The following NKAIN2 variants were observed in gnomAD, a reference collection of about 807,000 sequenced individuals.
The protein encoded by NKAIN2 is sodium/potassium transporting ATPase interacting 2.
A neutral mutation model predicts 32.6 loss-of-function variants in NKAIN2; 14 were observed. That is an observed-to-expected ratio of 0.43 (90% CI 0.28 to 0.67). The LOEUF (loss-of-function observed/expected upper bound fraction) is 0.67, where lower values mean the gene tolerates loss of function less well. Among genes scored for constraint, NKAIN2 ranks in the 30% least tolerant of loss-of-function variants. The pLI, the probability that NKAIN2 is intolerant of heterozygous loss-of-function variation, is 0.17. For synonymous variants in NKAIN2, 80 were observed against 87.2 expected (o/e 0.92, Z 0.46); for missense variants, 198 against 258.3 (o/e 0.77, Z 1.60).
chr6:124,004,900 T>TA lies in NKAIN2; in HGVS notation c.54+200659dup, dbSNP rs61291413. 1.2e-3 allele frequency among the ~76,000 whole-genome samples: 165 copies of TA among 138,580 alleles called. 1 individual carries two copies. Among genetic ancestry groups the TA allele is most frequent in the Admixed American group, 3.9e-3 (54 of 14,000 alleles). The allele number at this position is 138,580 out of a possible 152,430, so 90.9% of individuals were successfully genotyped here. On this transcript the variant is annotated intron_variant, in intron 1 of 6. Transcript: ENST00000368417. Reference sequence around the variant, plus strand: ...TAATAATAACAACAAAAAAAGAAAGTAAAAAAAAAAAAAGAATCTTCAGGT... The same window carrying TA: ...TAATAATAACAACAAAAAAAGAAAGTAAAAAAAAAAAAAAGAATCTTCAGGT...
intron 1 of NKAIN2, among the ~76,000 whole-genome samples, chr6:124,263,629 T>C (rs1396190225): frequency 3.3e-5 from 5 of 152,210 alleles, no homozygotes; most frequent in Non-Finnish European, 5.9e-5. Flanking sequence ...TAGTCTTCTG[T>C]CATACTAACA....
chr6:124,365,129 A>G (rs992602403), intron 3 of NKAIN2, among the ~76,000 whole-genome samples: 2 of 151,882 alleles, frequency 1.3e-5, no homozygotes, highest in African/African-American at 4.8e-5. Context: ...AAATGCTAAC[A>G]ACAACAGAGA....
chr6:124,128,736 C>T (rs990013959), intron 1 of NKAIN2, among the ~76,000 whole-genome samples: 8 of 152,310 alleles, frequency 5.3e-5, no homozygotes, highest in African/African-American at 1.9e-4. Context: ...GACATTCATA[C>T]ATTTATTCCT....
intron 1 of NKAIN2, among the ~76,000 whole-genome samples, chr6:124,043,139 T>C (rs1268042496): frequency 1.3e-5 from 2 of 151,914 alleles, no homozygotes; most frequent in Non-Finnish European, 2.9e-5. Flanking sequence ...GGGCGGATCA[T>C]TTGAGGTCAG....
chr6:124,362,557 A>T (rs1449256651), intron 3 of NKAIN2, among the ~76,000 whole-genome samples: 1 of 152,128 alleles, frequency 6.6e-6, no homozygotes, highest in Admixed American at 6.6e-5. Flanking sequence ...TTTTTCTTGA[A>T]AATGCCATTT....
chr6:124,102,327 T>G (rs1450936607), intron 1 of NKAIN2, among the ~76,000 whole-genome samples: 1 of 152,192 alleles, frequency 6.6e-6, no homozygotes, highest in African/African-American at 2.4e-5. Context: ...CCATTCTGAC[T>G]TCATTCCAGG....
chr6:124,002,964 C>A (rs113397839), intron 1 of NKAIN2, among the ~76,000 whole-genome samples: 178 of 152,214 alleles, frequency 1.2e-3, no homozygotes, highest in African/African-American at 4.1e-3. Context: ...ATGACTGGCT[C>A]CATTTGGAGC....
chr6:123,927,178 A>AAG (rs1282719922), intron 1 of NKAIN2, among the ~76,000 whole-genome samples: 7 of 152,210 alleles, frequency 4.6e-5, no homozygotes, highest in Non-Finnish European at 7.4e-5. Flanking sequence ...TCCCTTAGTA[A>AAG]CTAAATGGGA....
chr6:124,090,412 T>A (rs547883652), intron 1 of NKAIN2, among the ~76,000 whole-genome samples: 1 of 152,068 alleles, frequency 6.6e-6, no homozygotes, highest in African/African-American at 2.4e-5. Context: ...CTGCAGTCAT[T>A]TTGGTATAAT....
chr6:124,292,264 C>A (rs1055906918), intron 2 of NKAIN2, among the ~76,000 whole-genome samples: 25 of 152,090 alleles, frequency 1.6e-4, no homozygotes, highest in African/African-American at 6.0e-4. Context: ...AGCAGTCCAG[C>A]ATTTTTTTGT....
At chr6:124,573,306 A>G (rs550683579) in intron 3 of NKAIN2, among the ~76,000 whole-genome samples, 2 of 152,092 alleles carry the variant, frequency 1.3e-5, no homozygotes, top group Non-Finnish European at 2.9e-5. Context: ...ACTACTTCCT[A>G]TTGGGGTGGT....
chr6:124,630,705 G>C (rs72975728), intron 3 of NKAIN2, among the ~76,000 whole-genome samples: 1,623 of 152,086 alleles, frequency 0.011, 20 homozygotes, highest in Admixed American at 0.015. Context: ...CTTATTTTTA[G>C]TGATTTTAGA....
At chr6:124,233,283 A>G (rs1792557649) in intron 1 of NKAIN2, among the ~76,000 whole-genome samples, 1 of 151,980 alleles carries the variant, frequency 6.6e-6, no homozygotes, top group African/African-American at 2.4e-5. Flanking sequence ...ATAATTCTTT[A>G]CAAACCATAA....
At chr6:124,107,593 G>A (rs371717173) in intron 1 of NKAIN2, among the ~76,000 whole-genome samples, 54 of 152,242 alleles carry the variant, frequency 3.5e-4, no homozygotes, top group African/African-American at 1.3e-3. Flanking sequence ...TCAGTGTACA[G>A]TACAGTGTTG....
At chr6:124,437,805 G>T in intron 3 of NKAIN2, 1 of 360,580 alleles carries the variant, frequency 2.8e-6, no homozygotes, top group South Asian at 2.2e-5. Flanking sequence ...TTTGAAGAAT[G>T]AATAATAATT....
At chr6:124,404,696 T>G (rs1203865528) in intron 3 of NKAIN2, among the ~76,000 whole-genome samples, 3 of 152,168 alleles carry the variant, frequency 2.0e-5, no homozygotes, top group African/African-American at 7.2e-5. Context: ...GAATATTTTA[T>G]GTATACTTTA....
chr6:124,056,871 G>C (rs1442426305), intron 1 of NKAIN2, among the ~76,000 whole-genome samples: 2 of 151,990 alleles, frequency 1.3e-5, no homozygotes, highest in African/African-American at 4.8e-5. Context: ...TTAGCCTGCT[G>C]GCTGTCCATC....
At chr6:124,135,064 C>A (rs1320676740) in intron 1 of NKAIN2, among the ~76,000 whole-genome samples, 1 of 151,980 alleles carries the variant, frequency 6.6e-6, no homozygotes, top group African/African-American at 2.4e-5. Context: ...GAGAAGGTCA[C>A]AAACAAATGC....
chr6:124,486,499 G>A (rs903695802), intron 3 of NKAIN2, among the ~76,000 whole-genome samples: 3 of 152,134 alleles, frequency 2.0e-5, no homozygotes, highest in African/African-American at 7.2e-5. Flanking sequence ...GGACTTACCA[G>A]TTCTCTCTAC....
Sources: gnomAD v4.1 joint callset for allele counts (sites outside exome capture counted in the v4.1 genomes callset) on GRCh38, gnomAD v4.1.1 for gene constraint, MANE v1.5 for transcripts, NCBI Gene and HGNC (gene_info 2026-07-23, HGNC 2026-07-21) for gene names.